The following NAALADL2 variants were observed in gnomAD, a reference collection of about 807,000 sequenced individuals.
NAALADL2 encodes inactive N-acetylated-alpha-linked acidic dipeptidase-like protein 2.
In NAALADL2, 76 loss-of-function variants were observed where a neutral mutation model predicts 87.2. That is an observed-to-expected ratio of 0.87 (90% CI 0.72 to 1.05). NAALADL2 has a LOEUF of 1.05. Ranked by LOEUF, NAALADL2 falls within the 50% of genes least tolerant of loss-of-function variation. The probability of loss-of-function intolerance (pLI) is 0.00; values close to 1 mark genes in which losing one functional copy is unlikely to be tolerated. For synonymous variants in NAALADL2, 354 were observed against 331.0 expected, an observed-to-expected ratio of 1.07 and a Z score of -0.75; for missense variants, 1,089 against 945.8, an observed-to-expected ratio of 1.15 and a Z score of -1.99.
intron 4 of NAALADL2, among the ~76,000 whole-genome samples, chr3:175,267,320 A>C (rs1020774557): frequency 2.6e-5 from 4 of 152,100 alleles, no homozygotes; most frequent in Non-Finnish European, 5.9e-5. Context: ...TAAAACATGT[A>C]GCTCCAATCC....
At chr3:175,606,142 AGGT>A (rs1346695281) in intron 10 of NAALADL2, among the ~76,000 whole-genome samples, 2 of 152,300 alleles carry the variant, frequency 1.3e-5, no homozygotes, top group African/African-American at 4.8e-5. Flanking sequence ...GTGTCTCCAG[AGGT>A]TGTTGATCTA....
At chr3:174,656,379 A>G (rs1012672707) in intron 2 of NAALADL2, among the ~76,000 whole-genome samples, 1 of 152,200 alleles carries the variant, frequency 6.6e-6, no homozygotes, top group Non-Finnish European at 1.5e-5. Context: ...TGCATTGTGC[A>G]TGTTGTTGAA....
intron 11 of NAALADL2, among the ~76,000 whole-genome samples, chr3:175,721,085 GAAA>G (rs1218734526): frequency 6.6e-6 from 1 of 151,690 alleles, no homozygotes; most frequent in African/African-American, 2.4e-5. Context: ...ATGTAAGAGA[GAAA>G]AAGAAGGGCT....
chr3:174,620,708 C>T (rs1410157203), intron 2 of NAALADL2, among the ~76,000 whole-genome samples: 4 of 151,952 alleles, frequency 2.6e-5, no homozygotes, highest in Non-Finnish European at 4.4e-5. Flanking sequence ...TTCAGGAGAT[C>T]AAAATGGGAC....
chr3:175,721,997 A>G (rs912629413), intron 11 of NAALADL2, among the ~76,000 whole-genome samples: 1 of 152,080 alleles, frequency 6.6e-6, no homozygotes, highest in Non-Finnish European at 1.5e-5. Flanking sequence ...TTCGTATTTC[A>G]TATTTTCATC....
chr3:174,996,254 T>C (rs1747438355), intron 1 of NAALADL2, among the ~76,000 whole-genome samples: 1 of 152,118 alleles, frequency 6.6e-6, no homozygotes, highest in African/African-American at 2.4e-5. Flanking sequence ...TCCCAGCACT[T>C]TGGGAGGCTG....
intron 1 of NAALADL2, among the ~76,000 whole-genome samples, chr3:174,450,350 A>T (rs1237826193): frequency 2.0e-5 from 3 of 152,170 alleles, no homozygotes; most frequent in African/African-American, 7.2e-5. Flanking sequence ...CAGAGAAGAA[A>T]TGTAACCACG....
At chr3:174,787,843 A>C (rs1716997008) in intron 3 of NAALADL2, among the ~76,000 whole-genome samples, 2 of 151,536 alleles carry the variant, frequency 1.3e-5, no homozygotes, top group Non-Finnish European at 2.9e-5. Flanking sequence ...TGTCACCACC[A>C]GAGTTGGAAA....
At position 175,422,066 on chromosome 3, in the gene NAALADL2, G is replaced by A. The variant is rs370973533; in HGVS notation, c.1091-25163G>A. Among the ~76,000 whole-genome samples, 20 of 152,174 alleles carry A rather than the reference G, an allele frequency of 1.3e-4. No individual in the cohort carries two copies. The South Asian group carries it at 3.7e-3, about 28-fold the overall frequency. On this transcript the variant is annotated intron_variant, in intron 5 of 13. Transcript: ENST00000454872. ...ATCATAGGCTATATTGAGGAGCCTG[G>A]ATTTTACTTTTTATGTCTTTGAATC...
intron 1 of NAALADL2, among the ~76,000 whole-genome samples, chr3:174,496,899 A>AT (rs35367582): frequency 0.42 from 63,522 of 151,912 alleles, 14,285 homozygotes; most frequent in East Asian, 0.88. Context: ...TCATTAATGC[A>AT]TAATTCATTG....
intron 9 of NAALADL2, among the ~76,000 whole-genome samples, chr3:175,546,862 G>A (rs1452722528): frequency 6.6e-6 from 1 of 151,948 alleles, no homozygotes; most frequent in Non-Finnish European, 1.5e-5. Flanking sequence ...AGCTAGCTAG[G>A]GAGGTGCAGT....
At position 174,890,236 on chromosome 3, in the gene NAALADL2, G is replaced by A. The variant is rs1296869196; in HGVS notation, c.43+30786G>A. On this transcript the variant is annotated intron_variant, in intron 1 of 13. Coordinates refer to ENST00000454872, the MANE Select transcript of NAALADL2 (RefSeq NM_207015.3). ...TTTAGTTGAAGTTACAATATATTGA[G>A]AAGTATAAGGAACAGGGTAAATTTG... 3.3e-5 allele frequency among the ~76,000 whole-genome samples: 5 copies of A among 152,168 alleles called. No individual in the cohort carries two copies. In the South Asian group the frequency reaches 6.2e-4, roughly 19 times the overall value.
chr3:175,393,868 A>G (rs1769400469), intron 5 of NAALADL2, among the ~76,000 whole-genome samples: 1 of 152,220 alleles, frequency 6.6e-6, no homozygotes, highest in Non-Finnish European at 1.5e-5. Context: ...CTATGTCTTC[A>G]ACCCAACCAG....
chr3:175,802,240 T>A (rs1343140505), intron 13 of NAALADL2, among the ~76,000 whole-genome samples: 1 of 151,948 alleles, frequency 6.6e-6, no homozygotes, highest in Admixed American at 6.6e-5. Context: ...CACCCAATAG[T>A]CAGTGTTCAG....
At chr3:174,955,844 C>A (rs2108530680) in intron 1 of NAALADL2, among the ~76,000 whole-genome samples, 1 of 151,994 alleles carries the variant, frequency 6.6e-6, no homozygotes, top group African/African-American at 2.4e-5. Flanking sequence ...GGGGTGGGGC[C>A]CCTGAATTTG....
At chr3:174,627,993 G>T (rs1015289163) in intron 2 of NAALADL2, among the ~76,000 whole-genome samples, 5 of 152,132 alleles carry the variant, frequency 3.3e-5, no homozygotes, top group African/African-American at 1.2e-4. Flanking sequence ...GGTACAATGT[G>T]CACTATTCAG....
chr3:175,488,159 T>C (rs1727574240), intron 9 of NAALADL2, among the ~76,000 whole-genome samples: 1 of 152,236 alleles, frequency 6.6e-6, no homozygotes, highest in African/African-American at 2.4e-5. Flanking sequence ...ACATCAAAGA[T>C]GTTTCTTTGA....
chr3:175,323,500 AAAG>A (rs1254135292), intron 4 of NAALADL2, among the ~76,000 whole-genome samples: 2 of 152,138 alleles, frequency 1.3e-5, no homozygotes, highest in African/African-American at 4.8e-5. Flanking sequence ...ATAATAAAAA[AAAG>A]AACCTTATGT....
intron 2 of NAALADL2, among the ~76,000 whole-genome samples, chr3:174,736,065 A>G (rs1437037422): frequency 6.6e-6 from 1 of 152,092 alleles, no homozygotes. Context: ...GGTGTACTGC[A>G]AGCCGCTTCC....
Sources: gnomAD v4.1 joint callset for allele counts (sites outside exome capture counted in the v4.1 genomes callset) on GRCh38, gnomAD v4.1.1 for gene constraint, MANE v1.5 for transcripts, NCBI Gene and HGNC (gene_info 2026-07-23, HGNC 2026-07-21) for gene names.